The following SHISA6 variants were observed in gnomAD, a reference collection of about 807,000 sequenced individuals.
SHISA6 encodes shisa family member 6, also known as protein shisa-6.
In SHISA6, 22 loss-of-function variants were observed where a neutral mutation model predicts 47.9. The observed-to-expected ratio is 0.46, with a 90% confidence interval of 0.33 to 0.66. SHISA6 has a LOEUF of 0.66. Among genes scored for constraint, SHISA6 ranks in the 30% least tolerant of loss-of-function variants. SHISA6 has a pLI of 0.02. For synonymous variants in SHISA6, 388 were observed against 337.8 expected (o/e 1.15, Z -1.63); for missense variants, 680 against 764.6 (o/e 0.89, Z 1.30).
At chr17:11,530,716 T>G (rs2071724985) in intron 3 of SHISA6, among the ~76,000 whole-genome samples, 1 of 152,210 alleles carries the variant, frequency 6.6e-6, no homozygotes, top group Non-Finnish European at 1.5e-5. Context: ...TTGTCAAGGT[T>G]AGTCGTTTAT....
At chr17:11,402,836 C>T (rs1344261604) in intron 3 of SHISA6, among the ~76,000 whole-genome samples, 1 of 152,196 alleles carries the variant, frequency 6.6e-6, no homozygotes, top group Non-Finnish European at 1.5e-5. Context: ...AGGGAACCAG[C>T]AATGGTGTGG....
At chr17:11,514,026 A>G (rs2071562507) in intron 3 of SHISA6, among the ~76,000 whole-genome samples, 1 of 152,140 alleles carries the variant, frequency 6.6e-6, no homozygotes, top group South Asian at 2.1e-4. Flanking sequence ...AAACTTTGCT[A>G]GCAGCATGCT....
rs148303549 is a variant in SHISA6 at position 11,247,717 on chromosome 17, C to G, written c.638+5657C>G. ...CCCCTCTTTTCTTTACCTTGGGAAACTCCACCCCATTATTTCTTCCTGAGT... is the reference window on the plus strand; with the variant it reads ...CCCCTCTTTTCTTTACCTTGGGAAAGTCCACCCCATTATTTCTTCCTGAGT... On this transcript the variant is annotated intron_variant, in intron 1 of 5. Transcript: ENST00000441885. 3.3e-3 allele frequency among the ~76,000 whole-genome samples: 499 copies of G among 151,586 alleles called. 1 individual carries two copies. Among genetic ancestry groups the G allele is most frequent in the African/African-American group, 8.8e-3 (363 of 41,326 alleles).
At chr17:11,398,211 A>C (rs76413620) in intron 3 of SHISA6, among the ~76,000 whole-genome samples, 4,383 of 152,206 alleles carry the variant, frequency 0.029, 180 homozygotes, top group African/African-American at 0.086. Flanking sequence ...ATGTTTATTC[A>C]TATTTTTATC....
intron 3 of SHISA6, among the ~76,000 whole-genome samples, chr17:11,481,318 C>A (rs1173387240): frequency 6.8e-6 from 1 of 146,750 alleles, no homozygotes; most frequent in Non-Finnish European, 1.5e-5. Flanking sequence ...GAGCGAGACA[C>A]CCTCTCAAAA....
chr17:11,379,890 A>G (rs1296929446), intron 3 of SHISA6: 3 of 235,334 alleles, frequency 1.3e-5, no homozygotes, highest in African/African-American at 7.1e-5. Flanking sequence ...CATTTTATAA[A>G]CCAATGTCAA....
intron 3 of SHISA6, among the ~76,000 whole-genome samples, chr17:11,416,987 T>C (rs1914299985): frequency 6.6e-6 from 1 of 152,184 alleles, no homozygotes. Context: ...ACCATCTGAC[T>C]CGAAAGCTCA....
chr17:11,367,998 A>G (rs1597478951), intron 2 of SHISA6, among the ~76,000 whole-genome samples: 1 of 152,282 alleles, frequency 6.6e-6, no homozygotes, highest in East Asian at 1.9e-4. Flanking sequence ...TAGTTCCATC[A>G]TCTTCCCAAA....
intron 2 of SHISA6, among the ~76,000 whole-genome samples, chr17:11,311,405 T>C (rs1439931200): frequency 6.6e-6 from 1 of 152,186 alleles, no homozygotes; most frequent in Non-Finnish European, 1.5e-5. Context: ...TGTTTGTTAC[T>C]ATATGATGTG....
intron 3 of SHISA6, among the ~76,000 whole-genome samples, chr17:11,489,162 A>G (rs1916417782): frequency 6.6e-6 from 1 of 151,888 alleles, no homozygotes; most frequent in Non-Finnish European, 1.5e-5. Context: ...GACTCCTCAA[A>G]TTATTCCCTT....
chr17:11,424,493 G>A (rs1020466373), intron 3 of SHISA6, among the ~76,000 whole-genome samples: 10 of 151,890 alleles, frequency 6.6e-5, no homozygotes, highest in Non-Finnish European at 1.5e-4. Flanking sequence ...ACGTAACACC[G>A]AGAAAAGCAA....
chr17:11,298,204 T>C (rs1439677483), intron 2 of SHISA6, among the ~76,000 whole-genome samples: 1 of 152,248 alleles, frequency 6.6e-6, no homozygotes, highest in Admixed American at 6.5e-5. Flanking sequence ...GACTTGAACC[T>C]GAGCGTCTTC....
At chr17:11,412,282 T>A in intron 3 of SHISA6, among the ~76,000 whole-genome samples, 1 of 152,172 alleles carries the variant, frequency 6.6e-6, no homozygotes, top group Non-Finnish European at 1.5e-5. Flanking sequence ...GTGAAGTACC[T>A]CACACACTGG....
chr17:11,409,320 G>T (rs1914048434), intron 3 of SHISA6, among the ~76,000 whole-genome samples: 1 of 152,098 alleles, frequency 6.6e-6, no homozygotes, highest in African/African-American at 2.4e-5. Flanking sequence ...TTGGGGTATG[G>T]ACTCACATGC....
chr17:11,380,767 G>A lies in SHISA6; in HGVS notation c.895+1258G>A, dbSNP rs528275258. On this transcript the variant is annotated intron_variant, in intron 3 of 5. Transcript: ENST00000441885. ...AGTCTCATGAGGTTGCCATCACCAC[G>A]TCAGGCAGGGCTGCCTCCTCTGAAG... Among the ~76,000 whole-genome samples the A allele has an allele frequency of 1.4e-3, 213 of 152,274 alleles. 1 individual carries two copies. The highest frequency in any genetic ancestry group is 4.6e-3 in the African/African-American group (193 of 41,560).
At chr17:11,477,226 T>C (rs1916072626) in intron 3 of SHISA6, among the ~76,000 whole-genome samples, 1 of 152,158 alleles carries the variant, frequency 6.6e-6, no homozygotes, top group Admixed American at 6.5e-5. Flanking sequence ...AATCTCTGTC[T>C]GTTGATTGGT....
chr17:11,505,172 G>A (rs768620967), intron 3 of SHISA6, among the ~76,000 whole-genome samples: 57 of 152,170 alleles, frequency 3.7e-4, no homozygotes, highest in Non-Finnish European at 7.5e-4. Flanking sequence ...TCCAGCGATC[G>A]CTGTCTCTCT....
chr17:11,251,964 G>C (rs746393976), intron 1 of SHISA6, among the ~76,000 whole-genome samples: 1 of 152,146 alleles, frequency 6.6e-6, no homozygotes, highest in Admixed American at 6.5e-5. Flanking sequence ...CTTGCCAGGG[G>C]CACCTGAGCA....
intron 3 of SHISA6, among the ~76,000 whole-genome samples, chr17:11,450,641 G>A (rs991588122): frequency 1.3e-5 from 2 of 151,984 alleles, no homozygotes; most frequent in African/African-American, 4.8e-5. Flanking sequence ...GTTGCAGTGA[G>A]CCAAGATTGC....
Sources: allele counts gnomAD v4.1 joint callset (sites outside exome capture counted in the v4.1 genomes callset), GRCh38; gene constraint gnomAD v4.1.1; transcripts MANE v1.5; gene names NCBI Gene and HGNC (gene_info 2026-07-23, HGNC 2026-07-21).